Variants in NRXN3 observed in about 807,000 individuals in gnomAD.
NRXN3 encodes neurexin 3.
A neutral mutation model predicts 137.6 loss-of-function variants in NRXN3; 32 were observed. That is an observed-to-expected ratio of 0.23 (90% CI 0.18 to 0.31). The LOEUF is 0.31. Ranked by LOEUF, NRXN3 falls within the 10% of genes least tolerant of loss-of-function variation. NRXN3 has a pLI of 1.00. For synonymous variants in NRXN3, 798 were observed against 784.5 expected, an observed-to-expected ratio of 1.02 and a Z score of -0.29; for missense variants, 1,574 against 2,062.5, an observed-to-expected ratio of 0.76 and a Z score of 4.59.
chr14:79,038,872 T>G (rs2152522753), intron 15 of NRXN3, among the ~76,000 whole-genome samples: 1 of 152,286 alleles, frequency 6.6e-6, no homozygotes, highest in East Asian at 1.9e-4. Context: ...TGGGAAAATT[T>G]TCCATCTTTA....
intron 4 of NRXN3, among the ~76,000 whole-genome samples, chr14:78,326,774 G>A (rs564249860): frequency 1.3e-5 from 2 of 152,256 alleles, no homozygotes; most frequent in East Asian, 3.9e-4. Flanking sequence ...ATCTGTTCTA[G>A]GTGTGGGGAA....
At chr14:79,615,736 A>G (rs2098147131) in intron 16 of NRXN3, among the ~76,000 whole-genome samples, 1 of 152,106 alleles carries the variant, frequency 6.6e-6, no homozygotes, top group Admixed American at 6.5e-5. Context: ...CTCATTCACT[A>G]TCAAAAGAAC....
At chr14:78,402,297 C>T (rs897926813) in intron 4 of NRXN3, among the ~76,000 whole-genome samples, 32 of 152,308 alleles carry the variant, frequency 2.1e-4, no homozygotes, top group African/African-American at 7.0e-4. Context: ...TAAGTGATTA[C>T]TTGGAATTTT....
At chr14:78,598,064 C>A (rs933501546) in intron 4 of NRXN3, among the ~76,000 whole-genome samples, 1 of 152,210 alleles carries the variant, frequency 6.6e-6, no homozygotes, top group Non-Finnish European at 1.5e-5. Context: ...AAGCAAAGCC[C>A]AGACAGCCTT....
chr14:78,741,829 A>G (rs964486422), intron 8 of NRXN3, among the ~76,000 whole-genome samples: 1 of 152,106 alleles, frequency 6.6e-6, no homozygotes, highest in African/African-American at 2.4e-5. Context: ...TCTGAATGAT[A>G]GGTTAGATGC....
At chr14:78,202,093 G>A (rs1372346775) in intron 1 of NRXN3, among the ~76,000 whole-genome samples, 1 of 150,880 alleles carries the variant, frequency 6.6e-6, no homozygotes, top group Non-Finnish European at 1.5e-5. Flanking sequence ...GCTGCCATGG[G>A]TGAGCTGCCA....
chr14:78,196,742 T>C (rs2061266440), intron 1 of NRXN3, among the ~76,000 whole-genome samples: 1 of 152,158 alleles, frequency 6.6e-6, no homozygotes, highest in South Asian at 2.1e-4. Flanking sequence ...GATGAAGATA[T>C]AAAGGAGAGG....
At chr14:79,491,834 TAAG>T (rs1438072696) in intron 16 of NRXN3, among the ~76,000 whole-genome samples, 1 of 152,210 alleles carries the variant, frequency 6.6e-6, no homozygotes, top group Non-Finnish European at 1.5e-5. Flanking sequence ...ATATAAACAT[TAAG>T]AAGAATCTTC....
intron 15 of NRXN3, among the ~76,000 whole-genome samples, chr14:79,014,424 C>T (rs1400417057): frequency 6.6e-6 from 1 of 152,134 alleles, no homozygotes; most frequent in African/African-American, 2.4e-5. Flanking sequence ...CATGTTGCTG[C>T]AGACATGATC....
At chr14:79,440,916 A>G (rs2095929867) in intron 15 of NRXN3, among the ~76,000 whole-genome samples, 1 of 152,180 alleles carries the variant, frequency 6.6e-6, no homozygotes, top group Non-Finnish European at 1.5e-5. Context: ...TGCTAGATCC[A>G]TATGCTATTC....
At chr14:78,429,800 C>A (rs2093805847) in intron 4 of NRXN3, among the ~76,000 whole-genome samples, 1 of 152,214 alleles carries the variant, frequency 6.6e-6, no homozygotes, top group African/African-American at 2.4e-5. Context: ...CCATTAGGAG[C>A]TGAAAATATG....
chr14:79,328,190 A>T (rs959372652), intron 15 of NRXN3, among the ~76,000 whole-genome samples: 6 of 152,212 alleles, frequency 3.9e-5, no homozygotes, highest in Non-Finnish European at 5.9e-5. Flanking sequence ...AAAGTATATT[A>T]TTTAGGAGGG....
At chr14:78,537,661 GT>G in intron 4 of NRXN3, among the ~76,000 whole-genome samples, 1 of 152,276 alleles carries the variant, frequency 6.6e-6, no homozygotes, top group Non-Finnish European at 1.5e-5. Flanking sequence ...TGCTTTTTGT[GT>G]TTTAGTCATG....
intron 1 of NRXN3, among the ~76,000 whole-genome samples, chr14:78,212,289 G>C (rs1309008100): frequency 6.6e-6 from 1 of 152,026 alleles, no homozygotes; most frequent in Admixed American, 6.5e-5. Context: ...AGATGATGAA[G>C]GTGCCTTCCT....
chr14:79,546,661 C>T (rs1029115745), intron 16 of NRXN3, among the ~76,000 whole-genome samples: 1 of 152,152 alleles, frequency 6.6e-6, no homozygotes, highest in African/African-American at 2.4e-5. Flanking sequence ...TGAATCCTTA[C>T]TGTCAATATG....
intron 16 of NRXN3, among the ~76,000 whole-genome samples, chr14:79,638,862 C>T (rs1211032475): frequency 5.3e-5 from 8 of 152,154 alleles, no homozygotes; most frequent in African/African-American, 1.2e-4. Context: ...AAAAATAGCA[C>T]GGAAACAGCT....
chr14:79,537,831 G>T (rs1203508851), intron 16 of NRXN3, among the ~76,000 whole-genome samples: 1 of 152,126 alleles, frequency 6.6e-6, no homozygotes, highest in Admixed American at 6.5e-5. Context: ...TGGGTCAAAT[G>T]GTATTTCTAG....
intron 4 of NRXN3, among the ~76,000 whole-genome samples, chr14:78,640,740 T>G (rs2097618106): frequency 6.6e-6 from 1 of 152,240 alleles, no homozygotes; most frequent in African/African-American, 2.4e-5. Flanking sequence ...CTAGATTGCA[T>G]CTAGTGTTTA....
intron 4 of NRXN3, among the ~76,000 whole-genome samples, chr14:78,378,013 T>TAAAACATA (rs2088221794): frequency 6.6e-6 from 1 of 152,102 alleles, no homozygotes; most frequent in African/African-American, 2.4e-5. Flanking sequence ...ATAGACCACA[T>TAAAACATA]CCTGGGCCAT....
Sources: allele counts gnomAD v4.1 joint callset (sites outside exome capture counted in the v4.1 genomes callset), GRCh38; gene constraint gnomAD v4.1.1; transcripts MANE v1.5; gene names NCBI Gene and HGNC (gene_info 2026-07-23, HGNC 2026-07-21).